Variants in MAF observed in about 807,000 individuals in gnomAD.
MAF encodes the protein MAF bZIP transcription factor.
In MAF, 10 loss-of-function variants were observed where a neutral mutation model predicts 22.0. The ratio of observed to expected loss-of-function variants is 0.45; its 90% CI spans 0.28 to 0.77. MAF has a LOEUF of 0.77. Ranked by LOEUF, MAF falls within the 30% of genes least tolerant of loss-of-function variation. The pLI is 0.12. For synonymous variants in MAF, 337 were observed against 255.8 expected (o/e 1.32, Z -3.03); for missense variants, 544 against 548.4 (o/e 0.99, Z 0.08).
chr16:79,443,537 G>T, the MAF span, among the ~76,000 whole-genome samples: 1 of 152,132 alleles, frequency 6.6e-6, no homozygotes, highest in South Asian at 2.1e-4. Context: ...GCCTTATGAG[G>T]GTTGATTTAG....
chr16:79,238,737 C>T, the MAF span, among the ~76,000 whole-genome samples: 1 of 151,960 alleles, frequency 6.6e-6, no homozygotes, highest in Non-Finnish European at 1.5e-5. Flanking sequence ...TGAAAAAAAT[C>T]AGTCATTTAT....
chr16:79,202,963 C>G, the MAF span: 1 of 152,106 alleles, frequency 6.6e-6, no homozygotes, highest in Non-Finnish European at 1.5e-5. Context: ...ACTTTCTATG[C>G]TAAGGTGTTG....
the MAF span, among the ~76,000 whole-genome samples, chr16:79,471,365 A>G: frequency 6.6e-6 from 1 of 152,216 alleles, no homozygotes; most frequent in Non-Finnish European, 1.5e-5. Context: ...GATGTAAAAA[A>G]CTAAGGTTTA....
At chr16:79,368,032 G>C in the MAF span, among the ~76,000 whole-genome samples, 1 of 152,148 alleles carries the variant, frequency 6.6e-6, no homozygotes, top group South Asian at 2.1e-4. Context: ...GAAAGATCCT[G>C]GCTGAACAGC....
chr16:79,595,719 C>G, intron 1 of MAF: 1 of 1,057,680 alleles, frequency 9.5e-7, no homozygotes, highest in Admixed American at 5.4e-5. Flanking sequence ...ATATTCCACA[C>G]AGGTATTATT....
At chr16:79,365,304 G>A in the MAF span, among the ~76,000 whole-genome samples, 4 of 152,146 alleles carry the variant, frequency 2.6e-5, no homozygotes, top group African/African-American at 9.7e-5. Context: ...TCTCCATGTA[G>A]CACTTTTAGC....
chr16:79,369,482 C>A, the MAF span, among the ~76,000 whole-genome samples: 1 of 152,214 alleles, frequency 6.6e-6, no homozygotes, highest in African/African-American at 2.4e-5. Context: ...CAGGAGGATC[C>A]TCTGATTTCA....
At chr16:79,273,980 A>C in the MAF span, among the ~76,000 whole-genome samples, 1 of 114,758 alleles carries the variant, frequency 8.7e-6, no homozygotes, top group Non-Finnish European at 1.6e-5. Flanking sequence ...TTTTTGAGAC[A>C]GTCTTGCTCT....
the MAF span, among the ~76,000 whole-genome samples, chr16:79,462,363 A>G: frequency 6.6e-6 from 1 of 152,202 alleles, no homozygotes; most frequent in Non-Finnish European, 1.5e-5. Flanking sequence ...AGTAGACAAG[A>G]TTTGAACACT....
chr16:79,304,222 T>C, the MAF span, among the ~76,000 whole-genome samples: 15 of 152,140 alleles, frequency 9.9e-5, no homozygotes, highest in Non-Finnish European at 1.9e-4. Flanking sequence ...TGGCAGAATG[T>C]CCTTGCAGAG....
At chr16:79,268,363 T>A in the MAF span, among the ~76,000 whole-genome samples, 7 of 152,190 alleles carry the variant, frequency 4.6e-5, no homozygotes, top group East Asian at 1.4e-3. Flanking sequence ...TGCAGGATTT[T>A]GAGCAAGTCA....
chr16:79,355,221 C>T, the MAF span, among the ~76,000 whole-genome samples: 1 of 152,208 alleles, frequency 6.6e-6, no homozygotes, highest in Non-Finnish European at 1.5e-5. Context: ...ACAACTTTCC[C>T]TGCTGGAAAA....
the MAF span, among the ~76,000 whole-genome samples, chr16:79,487,590 C>T: frequency 3.3e-5 from 5 of 152,220 alleles, no homozygotes; most frequent in East Asian, 5.8e-4. Flanking sequence ...CCCCGTTGTC[C>T]GTTTGGATCC....
chr16:79,518,523 T>G, the MAF span, among the ~76,000 whole-genome samples: 5 of 152,238 alleles, frequency 3.3e-5, no homozygotes, highest in Non-Finnish European at 5.9e-5. Context: ...TGCAGTCAGC[T>G]GCTTTGGATG....
chr16:79,504,120 G>A, the MAF span, among the ~76,000 whole-genome samples: 2 of 152,126 alleles, frequency 1.3e-5, no homozygotes, highest in African/African-American at 2.4e-5. Context: ...ATTCAGATGT[G>A]ACTTTTCACC....
chr16:79,521,375 CTTTAAAAAGGAAAAATAAAGATCT>C, the MAF span, among the ~76,000 whole-genome samples: 1 of 152,178 alleles, frequency 6.6e-6, no homozygotes, highest in Non-Finnish European at 1.5e-5. Flanking sequence ...GCACATTGAT[CTTTAAAAAGGAAAAATAAAGATCT>C]CTCAAATGCA....
the MAF span, among the ~76,000 whole-genome samples, chr16:79,222,256 G>A: frequency 2.1e-4 from 32 of 152,212 alleles, no homozygotes; most frequent in Middle Eastern, 6.8e-3. Flanking sequence ...AAGCGAAGGA[G>A]AAATAAAATT....
the MAF span, among the ~76,000 whole-genome samples, chr16:79,533,628 G>A: frequency 5.9e-5 from 9 of 152,126 alleles, no homozygotes; most frequent in South Asian, 2.1e-4. Flanking sequence ...ACTTTTGTCC[G>A]GAGGTAGGAA....
At chr16:79,351,084 C>A in the MAF span, among the ~76,000 whole-genome samples, 1 of 152,172 alleles carries the variant, frequency 6.6e-6, no homozygotes, top group Non-Finnish European at 1.5e-5. Context: ...AGCTGTCATA[C>A]AAGTGGCATG....
Sources: allele counts gnomAD v4.1 joint callset (sites outside exome capture counted in the v4.1 genomes callset), GRCh38; gene constraint gnomAD v4.1.1; transcripts MANE v1.5; gene names NCBI Gene and HGNC (gene_info 2026-07-23, HGNC 2026-07-21).